PPP4R3B: variants seen among roughly 807,000 people sequenced by gnomAD.
The protein encoded by PPP4R3B is protein phosphatase 4 regulatory subunit 3B, also known as serine/threonine-protein phosphatase 4 regulatory subunit 3B.
Under a neutral mutation model 95.4 loss-of-function variants are expected in PPP4R3B, and 52 were observed. That is an observed-to-expected ratio of 0.54 (90% CI 0.44 to 0.69). The LOEUF (loss-of-function observed/expected upper bound fraction) is 0.69, where lower values mean the gene tolerates loss of function less well. PPP4R3B is among the 30% of genes least tolerant of loss of function. The probability of loss-of-function intolerance (pLI) is 0.00; values close to 1 mark genes in which losing one functional copy is unlikely to be tolerated. For missense variants in PPP4R3B, 1,003 were observed against 1,005.9 expected (o/e 1.00, Z 0.04); for synonymous variants, 407 against 343.9 (o/e 1.18, Z -2.03).
chr2:55,581,737 T>C, intron 7 of PPP4R3B, 39 bp from the exon 8 acceptor site: 10 of 1,598,096 alleles, frequency 6.3e-6, no homozygotes, highest in South Asian at 1.1e-5. Context: ...ATGTTTCCAT[T>C]AGACCTGGTT....
At chr2:55,613,398 C>A (rs1694459648) in intron 2 of PPP4R3B, among the ~76,000 whole-genome samples, 1 of 151,186 alleles carries the variant, frequency 6.6e-6, no homozygotes, top group African/African-American at 2.4e-5. Context: ...TACAAAACCC[C>A]AAATAGTATA....
chr2:55,585,605 G>A (rs1202727371), intron 6 of PPP4R3B, among the ~76,000 whole-genome samples: 1 of 152,020 alleles, frequency 6.6e-6, no homozygotes, highest in Non-Finnish European at 1.5e-5. Flanking sequence ...TATTTCCTGT[G>A]ACTCACCTAA....
At chr2:55,558,995 T>A (rs1303221899) in intron 15 of PPP4R3B, 27 bp from the exon 16 acceptor site, 2 of 1,566,800 alleles carry the variant, frequency 1.3e-6, no homozygotes, top group Admixed American at 1.8e-5. Context: ...ATTTTGAACG[T>A]ATATCAATAA....
intron 12 of PPP4R3B, among the ~76,000 whole-genome samples, chr2:55,572,860 A>T (rs1688186270): frequency 6.6e-6 from 1 of 152,186 alleles, no homozygotes; most frequent in African/African-American, 2.4e-5. Flanking sequence ...CCATACTATA[A>T]AATCTTACTC....
intron 3 of PPP4R3B, among the ~76,000 whole-genome samples, chr2:55,599,389 G>T (rs528239593): frequency 6.6e-6 from 1 of 152,284 alleles, no homozygotes; most frequent in Non-Finnish European, 1.5e-5. Flanking sequence ...AGTGAGCTGA[G>T]ATCGCACCAC....
chr2:55,586,789 T>A (rs1272205891), intron 5 of PPP4R3B, 55 bp from the exon 6 acceptor site: 1 of 1,029,932 alleles, frequency 9.7e-7, no homozygotes, highest in Non-Finnish European at 1.5e-6. Flanking sequence ...TGGGGCACAC[T>A]ATAGTAATCA....
chr2:55,577,343 T>C lies in PPP4R3B; in HGVS notation c.1578A>G (p.Gly526=). 1 of 1,539,698 alleles carries C rather than the reference T, an allele frequency of 6.5e-7. No individual in the cohort carries two copies. Among genetic ancestry groups the C allele is most frequent in the South Asian group, 1.3e-5 (1 of 77,784 alleles). Residue 526 remains glycine, a synonymous_variant, in exon 11 of 17, where the codon GGA becomes GGG. Coordinates refer to ENST00000616407, the MANE Select transcript of PPP4R3B (RefSeq NM_001122964.3). Reference sequence around the variant, plus strand: ...GACAAATTGTGTTGTTTTTGTTTGATCCAACTATATTATCTAATAAAAAAA... The same window carrying C: ...GACAAATTGTGTTGTTTTTGTTTGACCCAACTATATTATCTAATAAAAAAA... ...SSSISQDNIV[G]SNKNNTICPD...
At chr2:55,584,436 G>A (rs1478790126) in intron 7 of PPP4R3B, among the ~76,000 whole-genome samples, 1 of 151,940 alleles carries the variant, frequency 6.6e-6, no homozygotes, top group Non-Finnish European at 1.5e-5. Context: ...AGATTTTGGG[G>A]CACCCATCAC....
chr2:55,553,498 A>G (rs1468402843), intron 16 of PPP4R3B, among the ~76,000 whole-genome samples: 1 of 152,186 alleles, frequency 6.6e-6, no homozygotes, highest in Non-Finnish European at 1.5e-5. Flanking sequence ...AGAGCATATA[A>G]TTCAGTGGTT....
At chr2:55,588,288 G>C (rs530505124) in intron 5 of PPP4R3B, among the ~76,000 whole-genome samples, 10 of 152,084 alleles carry the variant, frequency 6.6e-5, no homozygotes, top group Admixed American at 6.5e-5. Flanking sequence ...CCAAGGCGGG[G>C]GGATCACCTC....
intron 4 of PPP4R3B, among the ~76,000 whole-genome samples, chr2:55,594,703 A>G (rs987274903): frequency 1.3e-5 from 2 of 152,310 alleles, no homozygotes; most frequent in Middle Eastern, 3.4e-3. Flanking sequence ...ACTCTGTCCA[A>G]TCTCCTAAGA....
chr2:55,551,276 C>A (rs1012314104), intron 16 of PPP4R3B, among the ~76,000 whole-genome samples: 15 of 152,032 alleles, frequency 9.9e-5, no homozygotes, highest in Non-Finnish European at 2.1e-4. Context: ...ATCTCTTGAA[C>A]CCAGGAGGTG....
chr2:55,614,173 G>C (rs1694581843), intron 2 of PPP4R3B: 1 of 152,162 alleles, frequency 6.6e-6, no homozygotes, highest in Admixed American at 6.5e-5. Context: ...GTAATAATAA[G>C]CTGCACAACA....
At chr2:55,577,392 C>T (rs1470760687) in intron 10 of PPP4R3B, 36 bp from the exon 11 acceptor site, 2 of 1,400,366 alleles carry the variant, frequency 1.4e-6, no homozygotes, top group African/African-American at 3.0e-5. Flanking sequence ...TAAAATACTT[C>T]AGTAATAATA....
intron 5 of PPP4R3B, among the ~76,000 whole-genome samples, chr2:55,587,451 G>A (rs544744433): frequency 6.6e-6 from 1 of 152,284 alleles, no homozygotes; most frequent in East Asian, 1.9e-4. Flanking sequence ...GGGCATGGTG[G>A]CACACGCCTG....
chr2:55,567,628 C>G (rs540986005), intron 13 of PPP4R3B, among the ~76,000 whole-genome samples: 4 of 152,264 alleles, frequency 2.6e-5, no homozygotes, highest in African/African-American at 9.6e-5. Context: ...GTTGGCCAGG[C>G]TGGTCACGAA....
In PPP4R3B at chr2:55,549,831, G is replaced by C; in HGVS notation, c.*80C>G. On this transcript the variant is annotated 3_prime_UTR_variant, in exon 17 of 17. Transcript: ENST00000616407. ...ATATTTTATAAGTTCAATTGAGAAAGCTTTCTGATTCAGATTTTCAGCTCA... is the reference window on the plus strand; with the variant it reads ...ATATTTTATAAGTTCAATTGAGAAACCTTTCTGATTCAGATTTTCAGCTCA... The C allele has an allele frequency of 9.5e-7, 1 of 1,049,554 alleles. No homozygotes were observed. Among genetic ancestry groups the C allele is most frequent in the Non-Finnish European group, 1.5e-6 (1 of 670,756 alleles). 65.0% of individuals were successfully genotyped at this position (1,049,554 alleles called of 1,614,324 possible).
intron 7 of PPP4R3B, among the ~76,000 whole-genome samples, chr2:55,582,461 G>C (rs1689572971): frequency 6.6e-6 from 1 of 152,038 alleles, no homozygotes. Flanking sequence ...TTCTAAGCTG[G>C]CATCTCTATT....
chr2:55,573,887 T>C (rs1044468463), intron 11 of PPP4R3B, 110 bp from the exon 12 acceptor site: 6 of 131,452 alleles, frequency 4.6e-5, no homozygotes, highest in Non-Finnish European at 6.6e-5. Flanking sequence ...TATTTCCTCC[T>C]TTTTTTTTTT....
Sources: allele counts gnomAD v4.1 joint callset (sites outside exome capture counted in the v4.1 genomes callset), GRCh38; gene constraint gnomAD v4.1.1; transcripts MANE v1.5; gene names NCBI Gene and HGNC (gene_info 2026-07-23, HGNC 2026-07-21).